Variants in RBFOX1 observed in about 807,000 individuals in gnomAD.
RBFOX1 encodes RNA binding protein fox-1 homolog 1.
A neutral mutation model predicts 57.7 loss-of-function variants in RBFOX1; 8 were observed. The observed-to-expected ratio is 0.14, with a 90% confidence interval of 0.08 to 0.25. The LOEUF is 0.25. Ranked by LOEUF, RBFOX1 falls within the 10% of genes least tolerant of loss-of-function variation. RBFOX1 has a pLI of 1.00. For synonymous variants in RBFOX1, 326 were observed against 222.4 expected, an observed-to-expected ratio of 1.47 and a Z score of -4.15; for missense variants, 611 against 548.5, an observed-to-expected ratio of 1.11 and a Z score of -1.14.
intron 3 of RBFOX1, among the ~76,000 whole-genome samples, chr16:6,843,798 A>C (rs1027754831): frequency 4.6e-5 from 7 of 152,204 alleles, no homozygotes; most frequent in Non-Finnish European, 7.3e-5. Flanking sequence ...TCCATGCCAA[A>C]AGAAATAACA....
chr16:5,638,661 G>C (rs1204118759), intron 3 of RBFOX1, among the ~76,000 whole-genome samples: 1 of 152,122 alleles, frequency 6.6e-6, no homozygotes, highest in African/African-American at 2.4e-5. Flanking sequence ...TTCTAGATGG[G>C]GAGGATTGGA....
intron 3 of RBFOX1, among the ~76,000 whole-genome samples, chr16:7,022,014 C>CCCCCTCCCCCTCT (rs2039370979): frequency 1.6e-4 from 1 of 6,330 alleles, no homozygotes; most frequent in African/African-American, 1.5e-3. Flanking sequence ...CCCTCCCCTT[C>CCCCCTCCCCCTCT]CCTTCCCCCT....
intron 1 of RBFOX1, among the ~76,000 whole-genome samples, chr16:6,211,941 C>T (rs1046250686): frequency 1.6e-4 from 24 of 151,980 alleles, no homozygotes; most frequent in African/African-American, 3.6e-4. Context: ...CCTCTGCCTC[C>T]CAGGTTCAAG....
intron 2 of RBFOX1, among the ~76,000 whole-genome samples, chr16:6,653,376 T>C (rs909014711): frequency 6.6e-6 from 1 of 152,190 alleles, no homozygotes; most frequent in African/African-American, 2.4e-5. Flanking sequence ...TTCTACATTG[T>C]TGAGTCCTCC....
At chr16:7,699,474 G>A (rs746350413) in intron 14 of RBFOX1, among the ~76,000 whole-genome samples, 3 of 152,084 alleles carry the variant, frequency 2.0e-5, no homozygotes, top group Admixed American at 6.5e-5. Context: ...GTACAGGCAC[G>A]GGCCCACCAC....
In RBFOX1 at chr16:7,333,026, C is replaced by T. The variant is rs1347157111; in HGVS notation, c.28-185121C>T. On this transcript the variant is annotated intron_variant, in intron 4 of 15. Coordinates refer to ENST00000550418, the MANE Select transcript of RBFOX1 (RefSeq NM_018723.4). ...CATGCTGGCGTCTCAAGGAGTTCTC[C>T]TGCATCCTTATGGCGTGCCTATGAT... 4 of 1,613,688 alleles carry T rather than the reference C, an allele frequency of 2.5e-6. No individual in the cohort carries two copies. The highest frequency in any genetic ancestry group is 1.1e-5 in the South Asian group (1 of 91,074).
chr16:6,298,454 T>C (rs2078398776), intron 1 of RBFOX1, among the ~76,000 whole-genome samples: 1 of 152,220 alleles, frequency 6.6e-6, no homozygotes, highest in African/African-American at 2.4e-5. Flanking sequence ...ATCATCAATT[T>C]ATTTGACAAA....
chr16:5,951,031 C>G (rs2059509278), intron 4 of RBFOX1, among the ~76,000 whole-genome samples: 2 of 152,184 alleles, frequency 1.3e-5, no homozygotes, highest in South Asian at 2.1e-4. Flanking sequence ...CAGGTGTAGA[C>G]TAATTACCAG....
intron 3 of RBFOX1, among the ~76,000 whole-genome samples, chr16:6,947,816 G>A (rs772288520): frequency 2.0e-5 from 3 of 152,088 alleles, no homozygotes; most frequent in East Asian, 1.9e-4. Context: ...TTGCTCTGTC[G>A]CTCAAGCTGC....
chr16:7,188,026 G>C (rs1053410235), intron 4 of RBFOX1, among the ~76,000 whole-genome samples: 29 of 152,158 alleles, frequency 1.9e-4, no homozygotes, highest in African/African-American at 6.8e-4. Flanking sequence ...TAGATAGTGA[G>C]ATTATAGGCC....
At chr16:6,931,381 A>G (rs894700055) in intron 3 of RBFOX1, among the ~76,000 whole-genome samples, 3 of 152,088 alleles carry the variant, frequency 2.0e-5, no homozygotes, top group Admixed American at 6.6e-5. Context: ...ACATATATAC[A>G]TACATATATG....
chr16:7,508,578 G>C (rs1303181428), intron 4 of RBFOX1, among the ~76,000 whole-genome samples: 1 of 152,148 alleles, frequency 6.6e-6, no homozygotes, highest in African/African-American at 2.4e-5. Context: ...CTCTCACTCT[G>C]TGATGCATTG....
chr16:5,505,387 C>G (rs1024939223), intron 2 of RBFOX1, among the ~76,000 whole-genome samples: 7 of 152,150 alleles, frequency 4.6e-5, no homozygotes, highest in Non-Finnish European at 8.8e-5. Flanking sequence ...AGAGTTTGTT[C>G]TATCTCATAT....
At chr16:6,706,409 C>T (rs2062753284) in intron 3 of RBFOX1, among the ~76,000 whole-genome samples, 1 of 152,194 alleles carries the variant, frequency 6.6e-6, no homozygotes, top group Non-Finnish European at 1.5e-5. Flanking sequence ...ATAATCAAGG[C>T]TTAATTTGGC....
intron 1 of RBFOX1, among the ~76,000 whole-genome samples, chr16:5,404,460 G>A (rs1438867786): frequency 2.0e-5 from 3 of 152,166 alleles, no homozygotes; most frequent in East Asian, 3.9e-4. Context: ...AGTTTCTCCC[G>A]ATCAGTGATC....
At chr16:6,586,921 C>T (rs1205939656) in intron 2 of RBFOX1, among the ~76,000 whole-genome samples, 5 of 152,010 alleles carry the variant, frequency 3.3e-5, no homozygotes, top group Non-Finnish European at 7.4e-5. Context: ...TTATGTAAAA[C>T]AGGATGTTTT....
chr16:6,019,764 C>T lies in RBFOX1; in HGVS notation c.-355C>T. The T allele has an allele frequency of 7.1e-7, 1 of 1,404,148 alleles. No homozygotes were observed. The highest frequency in any genetic ancestry group is 9.3e-7 in the Non-Finnish European group (1 of 1,078,204). The allele number at this position is 1,404,148 out of a possible 1,614,324, so 87.0% of individuals were successfully genotyped here. ...GAGTCCTTGCGCTCCAGACCCCCAC[C>T]CAGTGGCCGCCAGGGTCCCCGCCTG... On this transcript the variant is annotated 5_prime_UTR_variant, in exon 1 of 16. Coordinates refer to ENST00000550418, the MANE Select transcript of RBFOX1 (RefSeq NM_018723.4). The surrounding 1 kb of genome is among the most constrained non-coding windows in gnomAD (Gnocchi z 4.2).
At chr16:6,809,577 C>A (rs900072213) in intron 3 of RBFOX1, among the ~76,000 whole-genome samples, 1 of 152,118 alleles carries the variant, frequency 6.6e-6, no homozygotes, top group Admixed American at 6.6e-5. Context: ...ATGAAGCCTT[C>A]AACCAAAAGT....
chr16:6,981,908 C>T (rs2088997234), intron 3 of RBFOX1, among the ~76,000 whole-genome samples: 2 of 152,168 alleles, frequency 1.3e-5, no homozygotes, highest in Admixed American at 6.5e-5. Context: ...AATAGTGCTG[C>T]AGTGAGTATA....
Sources: gnomAD v4.1 joint callset for allele counts (sites outside exome capture counted in the v4.1 genomes callset) on GRCh38, gnomAD v4.1.1 for gene constraint, Gnocchi (gnomAD v3.1) non-coding constraint, MANE v1.5 for transcripts, NCBI Gene and HGNC (gene_info 2026-07-23, HGNC 2026-07-21) for gene names.